Variants in GRID2 observed in about 807,000 individuals in gnomAD.
GRID2 encodes glutamate ionotropic receptor delta type subunit 2.
Under a neutral mutation model 114.8 loss-of-function variants are expected in GRID2, and 33 were observed. The ratio of observed to expected loss-of-function variants is 0.29; its 90% CI spans 0.22 to 0.38. The LOEUF (loss-of-function observed/expected upper bound fraction) is 0.38. GRID2 is among the 10% of genes least tolerant of loss of function. GRID2 has a pLI of 1.00. For missense variants in GRID2, 1,184 were observed against 1,257.7 expected, an observed-to-expected ratio of 0.94 and a Z score of 0.89; for synonymous variants, 505 against 449.9, an observed-to-expected ratio of 1.12 and a Z score of -1.55.
intron 4 of GRID2, among the ~76,000 whole-genome samples, chr4:93,142,674 A>G (rs1280820189): frequency 5.9e-5 from 9 of 152,178 alleles, no homozygotes; most frequent in African/African-American, 1.9e-4. Context: ...TCTGGTCGAT[A>G]TGTACTTGCA....
chr4:93,142,746 A>T (rs1292352758), intron 4 of GRID2, among the ~76,000 whole-genome samples: 1 of 152,150 alleles, frequency 6.6e-6, no homozygotes, highest in Non-Finnish European at 1.5e-5. Flanking sequence ...GACTGAAAGG[A>T]CCGTGAGGTT....
chr4:92,508,499 C>T (rs1040385524), intron 1 of GRID2, among the ~76,000 whole-genome samples: 2 of 151,758 alleles, frequency 1.3e-5, no homozygotes, highest in South Asian at 4.1e-4. Flanking sequence ...TCATGGAGGC[C>T]CTTACTGAGG....
At chr4:93,250,260 C>T (rs1413140236) in intron 8 of GRID2, among the ~76,000 whole-genome samples, 1 of 152,066 alleles carries the variant, frequency 6.6e-6, no homozygotes, top group Non-Finnish European at 1.5e-5. Context: ...AAACCAAACA[C>T]TGCATGTTCT....
At chr4:92,597,042 C>A (rs1728988933) in intron 2 of GRID2, among the ~76,000 whole-genome samples, 1 of 151,900 alleles carries the variant, frequency 6.6e-6, no homozygotes. Context: ...GTATACTTTT[C>A]AGGAAAGACA....
At chr4:92,390,136 G>A (rs1579285034) in intron 1 of GRID2, among the ~76,000 whole-genome samples, 1 of 152,144 alleles carries the variant, frequency 6.6e-6, no homozygotes, top group East Asian at 1.9e-4. Flanking sequence ...TGTTTAGCTA[G>A]ATTCTGAATT....
chr4:92,597,878 T>C (rs991084368), intron 2 of GRID2, among the ~76,000 whole-genome samples: 1 of 152,172 alleles, frequency 6.6e-6, no homozygotes, highest in African/African-American at 2.4e-5. Context: ...ATAATTTAAG[T>C]TCATGTTGAC....
chr4:92,465,843 C>A lies in GRID2; in HGVS notation c.89-124288C>A, dbSNP rs184997180. ...AAGCATCTAACATGTTTGCATAAAT[C>A]CTGACTTATAGATGTGGTAATAAAC... On this transcript the variant is annotated intron_variant, in intron 1 of 15. Transcript: ENST00000282020. Among the ~76,000 whole-genome samples the A allele has an allele frequency of 3.4e-3, 513 of 151,950 alleles. 9 individuals carry two copies. Among genetic ancestry groups the A allele is most frequent in the Non-Finnish European group, 2.5e-3 (169 of 67,892 alleles).
At chr4:92,965,700 G>A (rs905577875) in intron 2 of GRID2, among the ~76,000 whole-genome samples, 2 of 151,640 alleles carry the variant, frequency 1.3e-5, no homozygotes, top group East Asian at 3.9e-4. Context: ...TACATTTGGG[G>A]CAGGAAATTG....
chr4:93,088,498 T>C (rs1380930746), intron 3 of GRID2, among the ~76,000 whole-genome samples: 1 of 152,128 alleles, frequency 6.6e-6, no homozygotes, highest in Non-Finnish European at 1.5e-5. Context: ...TGATGTAAAC[T>C]CAGTTCTACT....
At chr4:93,363,710 A>T (rs1181946245) in intron 8 of GRID2, among the ~76,000 whole-genome samples, 2 of 152,034 alleles carry the variant, frequency 1.3e-5, no homozygotes, top group East Asian at 3.9e-4. Context: ...AAATTAATAT[A>T]CCTTAATTAT....
intron 1 of GRID2, among the ~76,000 whole-genome samples, chr4:92,558,034 C>T (rs1726939564): frequency 6.6e-6 from 1 of 152,108 alleles, no homozygotes; most frequent in Non-Finnish European, 1.5e-5. Flanking sequence ...TAGGATTCCT[C>T]CATTCTATTT....
At chr4:93,735,814 A>C (rs1489011279) in intron 14 of GRID2, among the ~76,000 whole-genome samples, 1 of 152,024 alleles carries the variant, frequency 6.6e-6, no homozygotes, top group African/African-American at 2.4e-5. Context: ...TTCTCAGGTA[A>C]GTATTGAGAA....
chr4:92,385,620 A>G (rs927577524), intron 1 of GRID2, among the ~76,000 whole-genome samples: 1 of 151,470 alleles, frequency 6.6e-6, no homozygotes, highest in Non-Finnish European at 1.5e-5. Context: ...AAAACCAAAT[A>G]ATATAATTTA....
chr4:92,787,936 C>G (rs1739399199), intron 2 of GRID2, among the ~76,000 whole-genome samples: 1 of 151,674 alleles, frequency 6.6e-6, no homozygotes, highest in South Asian at 2.1e-4. Flanking sequence ...GAAGGATAAC[C>G]TCGTGGCTTT....
chr4:92,903,960 T>G (rs1191901379), intron 2 of GRID2, among the ~76,000 whole-genome samples: 1 of 151,932 alleles, frequency 6.6e-6, no homozygotes, highest in African/African-American at 2.4e-5. Flanking sequence ...TATCTAAACA[T>G]CATTCTCATC....
chr4:93,646,860 A>C (rs746481846), intron 14 of GRID2, among the ~76,000 whole-genome samples: 1 of 152,152 alleles, frequency 6.6e-6, no homozygotes, highest in South Asian at 2.1e-4. Context: ...TTATTTTCTG[A>C]ACAAATAAAT....
At chr4:92,868,519 T>G in intron 2 of GRID2, among the ~76,000 whole-genome samples, 1 of 152,166 alleles carries the variant, frequency 6.6e-6, no homozygotes, top group Non-Finnish European at 1.5e-5. Context: ...AACAGATTAG[T>G]GGAAGATTAA....
chr4:93,144,153 A>G lies in GRID2; in HGVS notation c.735+33200A>G, dbSNP rs544014555. Among the ~76,000 whole-genome samples, 3 of 152,286 alleles carry G rather than the reference A, an allele frequency of 2.0e-5. No homozygotes were observed. In the South Asian group the frequency reaches 6.2e-4, roughly 32 times the overall value. On this transcript the variant is annotated intron_variant, in intron 4 of 15. Transcript: ENST00000282020. ...TCTAACAAGTTGCCAGGAGGTGCTC[A>G]TATTGCTGGTCTAGGGACCACACTT...
At chr4:93,240,862 A>G (rs1747429231) in intron 8 of GRID2, among the ~76,000 whole-genome samples, 1 of 151,536 alleles carries the variant, frequency 6.6e-6, no homozygotes, top group South Asian at 2.1e-4. Flanking sequence ...AATGACTTAG[A>G]GTAGTCGCAT....
Sources: allele counts gnomAD v4.1 joint callset (sites outside exome capture counted in the v4.1 genomes callset), GRCh38; gene constraint gnomAD v4.1.1; transcripts MANE v1.5; gene names NCBI Gene and HGNC (gene_info 2026-07-23, HGNC 2026-07-21).